MEMO1: variants seen among roughly 807,000 people sequenced by gnomAD.
MEMO1 encodes mediator of cell motility 1.
MEMO1 carries 6 observed loss-of-function variants against 45.2 expected under a neutral mutation model. That is an observed-to-expected ratio of 0.13 (90% CI 0.07 to 0.26). The LOEUF is 0.26. MEMO1 is among the 10% of genes least tolerant of loss of function. MEMO1 has a pLI of 1.00. For synonymous variants in MEMO1, 78 were observed against 124.3 expected, an observed-to-expected ratio of 0.63 and a Z score of 2.48; for missense variants, 184 against 370.5, an observed-to-expected ratio of 0.50 and a Z score of 4.13.
intron 2 of MEMO1, among the ~76,000 whole-genome samples, chr2:31,998,890 T>A (rs1351113671): frequency 6.6e-6 from 1 of 152,076 alleles, no homozygotes; most frequent in Non-Finnish European, 1.5e-5. Flanking sequence ...TCCAGACTCA[T>A]ACATACACTT....
chr2:31,909,237 C>G (rs1272561869), intron 6 of MEMO1, among the ~76,000 whole-genome samples: 1 of 152,168 alleles, frequency 6.6e-6, no homozygotes, highest in South Asian at 2.1e-4. Flanking sequence ...TTCAATTCAA[C>G]ATAGTACTGG....
chr2:31,906,415 C>T (rs1158777462), intron 6 of MEMO1, among the ~76,000 whole-genome samples: 1 of 152,034 alleles, frequency 6.6e-6, no homozygotes, highest in African/African-American at 2.4e-5. Flanking sequence ...CCTCCGCCTC[C>T]CAAGTTCAAG....
intron 4 of MEMO1, among the ~76,000 whole-genome samples, chr2:31,924,844 A>G (rs1385590787): frequency 2.0e-5 from 3 of 152,196 alleles, no homozygotes; most frequent in African/African-American, 4.8e-5. Flanking sequence ...TAGAGTTTTA[A>G]TAATAGTCAA....
chr2:31,989,593 C>G (rs1310881937), intron 2 of MEMO1, among the ~76,000 whole-genome samples: 1 of 152,090 alleles, frequency 6.6e-6, no homozygotes, highest in African/African-American at 2.4e-5. Flanking sequence ...AATGAAAACA[C>G]AATATGAAAA....
In MEMO1 at chr2:31,906,509, C is replaced by T. The variant is rs554757925; in HGVS notation, c.437+11417G>A. On this transcript the variant is annotated intron_variant, in intron 6 of 9. Coordinates refer to ENST00000404530, the MANE Select transcript of MEMO1 (RefSeq NM_001301833.4). ...TGGCTAATTTTTTGTATCTTTAGTACAGATGGGGTTTCACCATGTTGGCCA... is the reference window on the plus strand; with the variant it reads ...TGGCTAATTTTTTGTATCTTTAGTATAGATGGGGTTTCACCATGTTGGCCA... Among the ~76,000 whole-genome samples the T allele has an allele frequency of 2.5e-4, 38 of 150,730 alleles. 1 individual carries two copies. In the South Asian group the frequency reaches 5.5e-3, roughly 22 times the overall value.
intron 2 of MEMO1, among the ~76,000 whole-genome samples, chr2:32,006,037 G>A (rs543346354): frequency 6.6e-6 from 1 of 152,198 alleles, no homozygotes. Context: ...GAAACAGCAT[G>A]ATGTATTTAA....
intron 2 of MEMO1, among the ~76,000 whole-genome samples, chr2:31,954,601 G>C (rs1667198419): frequency 6.6e-6 from 1 of 152,002 alleles, no homozygotes; most frequent in African/African-American, 2.4e-5. Flanking sequence ...GGGAGGCCGA[G>C]GCAGGCGGAT....
intron 8 of MEMO1, among the ~76,000 whole-genome samples, chr2:31,870,767 C>T (rs1175261708): frequency 6.6e-6 from 1 of 151,862 alleles, no homozygotes; most frequent in Non-Finnish European, 1.5e-5. Context: ...TAGTAGAGAC[C>T]AGGTTTCACC....
At chr2:31,971,436 C>A (rs1669390494) in intron 2 of MEMO1, among the ~76,000 whole-genome samples, 1 of 152,008 alleles carries the variant, frequency 6.6e-6, no homozygotes, top group African/African-American at 2.4e-5. Flanking sequence ...TTTTTTGTAG[C>A]CCAGGCTGGT....
chr2:31,984,046 C>G (rs774490331), intron 2 of MEMO1, among the ~76,000 whole-genome samples: 20 of 152,232 alleles, frequency 1.3e-4, no homozygotes, highest in Middle Eastern at 3.4e-3. Flanking sequence ...GGGGGAGGGG[C>G]AGAGACAAAT....
At chr2:31,956,200 G>A (rs888042579) in intron 2 of MEMO1, among the ~76,000 whole-genome samples, 8 of 152,078 alleles carry the variant, frequency 5.3e-5, no homozygotes, top group Admixed American at 4.6e-4. Flanking sequence ...GTCAGTAGTA[G>A]TAATCAGGAT....
intron 8 of MEMO1, among the ~76,000 whole-genome samples, chr2:31,872,977 T>C (rs1391798297): frequency 2.0e-5 from 3 of 152,194 alleles, no homozygotes; most frequent in Admixed American, 1.3e-4. Flanking sequence ...GATATACCTA[T>C]GTTTTTATGT....
At chr2:31,950,001 C>T (rs914133479) in intron 2 of MEMO1, among the ~76,000 whole-genome samples, 10 of 152,152 alleles carry the variant, frequency 6.6e-5, no homozygotes, top group Non-Finnish European at 1.3e-4. Context: ...AGGAAAAAAA[C>T]CTCTCTCAAA....
At chr2:31,948,299 A>G (rs1433053677) in intron 2 of MEMO1, among the ~76,000 whole-genome samples, 2 of 152,232 alleles carry the variant, frequency 1.3e-5, no homozygotes, top group African/African-American at 4.8e-5. Flanking sequence ...ACTATTCTAC[A>G]TATGTAATTT....
At position 31,906,849 on chromosome 2, in the gene MEMO1, G is replaced by C. The variant is rs540338457; in HGVS notation, c.437+11077C>G. Among the ~76,000 whole-genome samples the C allele has an allele frequency of 6.6e-5, 10 of 152,196 alleles. 1 individual carries two copies. The South Asian group carries it at 2.1e-3, about 32-fold the overall frequency. Reference sequence around the variant, plus strand: ...GCCTCCAGCCCCAGGGTGGTGTTACGTATGTGTGAAAAGGTAGACAAGGTG... The same window carrying C: ...GCCTCCAGCCCCAGGGTGGTGTTACCTATGTGTGAAAAGGTAGACAAGGTG... On this transcript the variant is annotated intron_variant, in intron 6 of 9. Coordinates refer to ENST00000404530, the MANE Select transcript of MEMO1 (RefSeq NM_001301833.4).
At chr2:31,896,518 A>G (rs371920496) in intron 6 of MEMO1, among the ~76,000 whole-genome samples, 2 of 152,368 alleles carry the variant, frequency 1.3e-5, no homozygotes, top group African/African-American at 4.8e-5. Flanking sequence ...TTACAAAAGT[A>G]GGCTGTGGGC....
chr2:31,952,668 C>G (rs1171913642), intron 2 of MEMO1, among the ~76,000 whole-genome samples: 5 of 152,142 alleles, frequency 3.3e-5, no homozygotes, highest in African/African-American at 1.2e-4. Flanking sequence ...ATTATAGCAT[C>G]TTATCTAAAC....
chr2:31,966,945 T>C (rs1411995735), intron 2 of MEMO1, among the ~76,000 whole-genome samples: 1 of 152,114 alleles, frequency 6.6e-6, no homozygotes. Context: ...AGTATTTTTA[T>C]AATTTAAAAA....
At chr2:31,878,354 T>C (rs1459824229) in intron 8 of MEMO1, among the ~76,000 whole-genome samples, 1 of 152,130 alleles carries the variant, frequency 6.6e-6, no homozygotes, top group Non-Finnish European at 1.5e-5. Flanking sequence ...TTACAGGAGA[T>C]ATGGGGCAGA....
Sources: gnomAD v4.1 joint callset for allele counts (sites outside exome capture counted in the v4.1 genomes callset) on GRCh38, gnomAD v4.1.1 for gene constraint, MANE v1.5 for transcripts, NCBI Gene and HGNC (gene_info 2026-07-23, HGNC 2026-07-21) for gene names.